GCM2: variants seen among roughly 807,000 people sequenced by gnomAD.
GCM2 encodes the protein GCM transcription factor 2.
A neutral mutation model predicts 24.8 loss-of-function variants in GCM2; 21 were observed. The ratio of observed to expected loss-of-function variants is 0.85; its 90% confidence interval spans 0.60 to 1.22. The LOEUF (loss-of-function observed/expected upper bound fraction) is 1.22, where lower values mean the gene tolerates loss of function less well. Ranked by LOEUF, GCM2 falls within the 50% of genes most tolerant of loss-of-function variation. The probability of loss-of-function intolerance (pLI) is 0.00; values close to 1 mark genes in which losing one functional copy is unlikely to be tolerated. For missense variants in GCM2, 532 were observed against 645.6 expected, an observed-to-expected ratio of 0.82 and a Z score of 1.91; for synonymous variants, 222 against 238.0, an observed-to-expected ratio of 0.93 and a Z score of 0.62.
At chr6:10,879,390 G>T (rs1309860846) in intron 1 of GCM2, among the ~76,000 whole-genome samples, 3 of 152,210 alleles carry the variant, frequency 2.0e-5, no homozygotes, top group African/African-American at 7.2e-5. Flanking sequence ...AAGCCACAGA[G>T]ATTGTATTTT....
Position 10,874,844 on chromosome 6 carries a change from G to C in GCM2, c.672C>G (p.Ser224Arg). The C allele has an allele frequency of 6.2e-7, 1 of 1,613,726 alleles. No individual in the cohort carries two copies. Among genetic ancestry groups the C allele is most frequent in the Non-Finnish European group, 8.5e-7 (1 of 1,179,680 alleles). The change falls in exon 5 of 5, where the codon AGC (serine) becomes AGG (arginine). Residue 224 changes from serine to arginine, a missense_variant. Ser to Arg is a moderately radical substitution (Grantham distance 110). Coordinates refer to ENST00000379491, the MANE Select transcript of GCM2 (RefSeq NM_004752.4). ...GGCAAGGCTGCCCTGGAATAGGGAA[G>C]CTGGTTTCAGTAACTATATCAAAGT... ...PEDFDIVTET[S>R]FPIPGQPCPS...
rs1160312523 is a variant in GCM2, at chr6:10,873,328, GTC to G, written c.*665_*666del. ...AAATACAACTCATCATTGTTAGGCT[GTC>G]TCTGTTATGGAAACTATCATGTTAT... On this transcript the variant is annotated 3_prime_UTR_variant, in exon 5 of 5. Transcript: ENST00000379491. 5.2e-5 allele frequency: 8 copies of G among 153,360 alleles called. No individual in the cohort carries two copies. Among genetic ancestry groups the G allele is most frequent in the African/African-American group, 1.9e-4 (8 of 41,460 alleles). 9.5% of individuals were successfully genotyped at this position (153,360 alleles called of 1,614,324 possible). A position where few individuals can be genotyped will look rare whatever the true frequency, so the allele number is the denominator to read the frequency against.
intron 1 of GCM2, among the ~76,000 whole-genome samples, chr6:10,879,139 C>T (rs547065020): frequency 6.6e-6 from 1 of 152,194 alleles, no homozygotes; most frequent in South Asian, 2.1e-4. Flanking sequence ...TGAAATATTA[C>T]AATTGACATG....
In GCM2 at chr6:10,882,000, T is replaced by C. The variant is rs1779966850; in HGVS notation, c.-207A>G. ...TATGGACCCGGGCGGGGCCTTGTCC[T>C]TGGCCGCGGTGCTGAACGTTCTCCA... On this transcript the variant is annotated 5_prime_UTR_variant, in exon 1 of 5. Transcript: ENST00000379491. 3 of 585,932 alleles carry C rather than the reference T, an allele frequency of 5.1e-6. No homozygotes were observed. The South Asian group carries it at 5.9e-5, about 11-fold the overall frequency. The allele number at this position is 585,932 out of a possible 1,614,324, so 36.3% of individuals were successfully genotyped here.
At chr6:10,876,628 G>A in intron 2 of GCM2, 71 bp from the exon 3 acceptor site, 1 of 1,090,924 alleles carries the variant, frequency 9.2e-7, no homozygotes, top group South Asian at 1.3e-5. Context: ...GGGAAAATTA[G>A]CTGGGAACAA....
rs1352718129 is a variant in GCM2 at position 10,873,776 on chromosome 6, C to G, written c.*219G>C. ...GAGACTCACACTTTCCTCACTACTT[C>G]TATGTATTGTAGCCAGTTTCAAAAT... On this transcript the variant is annotated 3_prime_UTR_variant, in exon 5 of 5. Coordinates refer to ENST00000379491, the MANE Select transcript of GCM2 (RefSeq NM_004752.4). 1.7e-6 allele frequency: 1 copy of G among 603,390 alleles called. No individual in the cohort carries two copies. Among genetic ancestry groups the G allele is most frequent in the East Asian group, 2.9e-5 (1 of 34,316 alleles). 37.4% of individuals were successfully genotyped at this position (603,390 alleles called of 1,614,324 possible). A position where few individuals can be genotyped will look rare whatever the true frequency, so the allele number is the denominator to read the frequency against.
rs770280427 is a variant in GCM2, at chr6:10,877,402, T to C, written c.91-10A>G. On this transcript the variant is annotated splice_polypyrimidine_tract_variant and intron_variant, in intron 1 of 4. Transcript: ENST00000379491. ...CAAAGAGGGCCAGCTCCTGGAAGAG[T>C]GCAGAAGGAAGGGTGGTCAGTCTAT... The C allele has an allele frequency of 6.2e-7, 1 of 1,614,060 alleles. No individual in the cohort carries two copies.
intron 1 of GCM2, among the ~76,000 whole-genome samples, chr6:10,877,703 G>C (rs1779903761): frequency 6.6e-6 from 1 of 152,162 alleles, no homozygotes; most frequent in South Asian, 2.1e-4. Context: ...ACTCGCCCAA[G>C]GTCACATCAC....
Position 10,877,218 on chromosome 6 carries a change from G to A in GCM2, c.265C>T (p.Gln89Ter). 1.2e-6 allele frequency: 2 copies of A among 1,614,182 alleles called. No individual in the cohort carries two copies. The highest frequency in any genetic ancestry group is 1.6e-4 in the Middle Eastern group (1 of 6,062). The change falls in exon 2 of 5, where the codon CAG becomes TAG. Residue 89 changes from glutamine to a stop codon, truncating the protein, a stop_gained. Transcript: ENST00000379491. LOFTEE classifies it high-confidence loss of function. ...GAACCGTCGGGCAGGGTGCAGGCCT[G>A]TGTACACACCACCACACCCAGGCAC... ...KSCLGVVVCT[Q>*]ACTLPDGSRL...
At chr6:10,880,194 G>T (rs758791614) in intron 1 of GCM2, among the ~76,000 whole-genome samples, 11 of 152,164 alleles carry the variant, frequency 7.2e-5, no homozygotes, top group Non-Finnish European at 1.3e-4. Flanking sequence ...GATGGAGGTT[G>T]CAGTGAGCTG....
intron 1 of GCM2, 51 bp from the exon 2 acceptor site, chr6:10,877,443 C>T (rs541966415): frequency 1.3e-6 from 2 of 1,599,712 alleles, no homozygotes; most frequent in African/African-American, 1.3e-5. Context: ...CCAAACTGCA[C>T]ACATCATGCT....
rs957252754 is a variant in GCM2 at position 10,873,279 on chromosome 6, T to C, written c.*716A>G. 1 of 152,236 alleles carries C rather than the reference T, an allele frequency of 6.6e-6. No individual in the cohort carries two copies. The highest frequency in any genetic ancestry group is 1.5e-5 in the Non-Finnish European group (1 of 68,060). 9.4% of individuals were successfully genotyped at this position (152,236 alleles called of 1,614,324 possible). On this transcript the variant is annotated 3_prime_UTR_variant, in exon 5 of 5. Coordinates refer to ENST00000379491, the MANE Select transcript of GCM2 (RefSeq NM_004752.4). Reference sequence around the variant, plus strand: ...CTGAAACCTAATCAGAAAAAAAATGTATTTAGTACAATGGTAATCCATTAA... The same window carrying C: ...CTGAAACCTAATCAGAAAAAAAATGCATTTAGTACAATGGTAATCCATTAA...
At chr6:10,879,466 T>TTG (rs1267919802) in intron 1 of GCM2, among the ~76,000 whole-genome samples, 1 of 151,806 alleles carries the variant, frequency 6.6e-6, no homozygotes, top group Non-Finnish European at 1.5e-5. Flanking sequence ...TGTTGGCATG[T>TTG]TGTGTGTGTG....
chr6:10,877,529 CTCTT>C (rs1779901754), intron 1 of GCM2, 137 bp from the exon 2 acceptor site: 3 of 869,412 alleles, frequency 3.5e-6, no homozygotes, highest in Middle Eastern at 2.8e-4. Context: ...CAAAATGCCA[CTCTT>C]TCTATGTAAG....
rs147168542 is a variant in GCM2 at position 10,874,174 on chromosome 6, T to C, written c.1342A>G (p.Met448Val). 234 of 1,614,026 alleles carry C rather than the reference T, an allele frequency of 1.4e-4. No homozygotes were observed. Among genetic ancestry groups the C allele is most frequent in the Middle Eastern group, 3.3e-4 (2 of 6,084 alleles). Residue 448 changes from methionine to valine, a missense_variant, in exon 5 of 5, where the codon ATG becomes GTG. This residue lies in a region of GCM2 where 434 missense variants were observed against 521.9 expected (regional missense o/e 0.83). Coordinates refer to ENST00000379491, the MANE Select transcript of GCM2 (RefSeq NM_004752.4). ...GCCCGGCAATCTCCTGCAATTTTCATAGGAGGTGGCCCTGAAGGAGAGGCT... is the reference window on the plus strand; with the variant it reads ...GCCCGGCAATCTCCTGCAATTTTCACAGGAGGTGGCCCTGAAGGAGAGGCT... ...RAASPSGPPPMKIAGDCRAIR... is the reference protein window; with the variant it reads ...RAASPSGPPPVKIAGDCRAIR...
At chr6:10,877,837 GGTATCAAA>G (rs1779905078) in intron 1 of GCM2, among the ~76,000 whole-genome samples, 1 of 152,126 alleles carries the variant, frequency 6.6e-6, no homozygotes, top group Admixed American at 6.5e-5. Flanking sequence ...TTTTAAGTTA[GGTATCAAA>G]GTACCAGGGG....
chr6:10,881,307 C>T (rs1174456672), intron 1 of GCM2, among the ~76,000 whole-genome samples: 1 of 152,006 alleles, frequency 6.6e-6, no homozygotes, highest in Non-Finnish European at 1.5e-5. Context: ...TTTAGGCATG[C>T]GCCACCACGC....
rs182776740 is a variant in GCM2, at chr6:10,874,257, T to A, written c.1259A>T (p.Asp420Val). The A allele has an allele frequency of 1.2e-6, 2 of 1,614,204 alleles. No homozygotes were observed. The highest frequency in any genetic ancestry group is 3.3e-5 in the Admixed American group (2 of 60,022). The change falls in exon 5 of 5, where the codon GAT becomes GTT. Residue 420 changes from aspartate to valine, a missense_variant. Asp to Val is a radical substitution (Grantham distance 152). Coordinates refer to ENST00000379491, the MANE Select transcript of GCM2 (RefSeq NM_004752.4). ...SLSSCNYAPE[D>V]TGMSVYPEPW... Reference sequence around the variant, plus strand: ...TTCTGGATAGACAGACATCCCAGTATCTTCAGGAGCATAGTTACAGCTCGA... The same window carrying A: ...TTCTGGATAGACAGACATCCCAGTAACTTCAGGAGCATAGTTACAGCTCGA...
chr6:10,874,987 T>A, intron 4 of GCM2, 54 bp from the exon 5 acceptor site: 1 of 1,241,348 alleles, frequency 8.1e-7, no homozygotes, highest in Non-Finnish European at 1.2e-6. Context: ...GTGGACACCC[T>A]CACCTGTAAC....
Sources: gnomAD v4.1 joint callset for allele counts (sites outside exome capture counted in the v4.1 genomes callset) on GRCh38, gnomAD v4.1.1 for gene constraint, gnomAD v4.1.1 regional missense constraint, MANE v1.5 for transcripts, NCBI Gene and HGNC (gene_info 2026-07-23, HGNC 2026-07-21) for gene names.